Variants in ICA1L observed in about 807,000 individuals in gnomAD.
ICA1L encodes the protein islet cell autoantigen 1-like protein.
ICA1L carries 50 observed loss-of-function variants against 61.3 expected under a neutral mutation model. The ratio of observed to expected loss-of-function variants is 0.82; its 90% CI spans 0.65 to 1.03. The LOEUF (loss-of-function observed/expected upper bound fraction) is 1.03, where lower values mean the gene tolerates loss of function less well. ICA1L is among the 50% of genes least tolerant of loss of function. ICA1L has a pLI of 0.00. For missense variants in ICA1L, 508 were observed against 556.7 expected (o/e 0.91, Z 0.88); for synonymous variants, 161 against 191.3 (o/e 0.84, Z 1.31).
At chr2:202,850,445 T>C (rs1694586814) in intron 1 of ICA1L, among the ~76,000 whole-genome samples, 1 of 152,086 alleles carries the variant, frequency 6.6e-6, no homozygotes, top group African/African-American at 2.4e-5. Flanking sequence ...AGAACATAAA[T>C]GACCTGATGG....
intron 1 of ICA1L, among the ~76,000 whole-genome samples, chr2:202,831,832 C>T (rs1694021187): frequency 6.6e-6 from 1 of 152,084 alleles, no homozygotes; most frequent in African/African-American, 2.4e-5. Context: ...ATCTGCTTGC[C>T]ACTGGGGGTA....
chr2:202,811,091 C>T (rs1478350122), intron 9 of ICA1L, among the ~76,000 whole-genome samples: 1 of 152,136 alleles, frequency 6.6e-6, no homozygotes, highest in Non-Finnish European at 1.5e-5. Flanking sequence ...ATCTCTGTGA[C>T]CCACACCCTA....
intron 1 of ICA1L, among the ~76,000 whole-genome samples, chr2:202,845,303 A>G (rs1409805320): frequency 2.6e-5 from 4 of 152,182 alleles, no homozygotes; most frequent in African/African-American, 4.8e-5. Flanking sequence ...CTTATTTAGC[A>G]AAAGGATAGG....
At chr2:202,834,923 T>A (rs1694106458) in intron 1 of ICA1L, among the ~76,000 whole-genome samples, 1 of 152,146 alleles carries the variant, frequency 6.6e-6, no homozygotes, top group South Asian at 2.1e-4. Context: ...CTCAAACTCC[T>A]GGGCTCAAGT....
chr2:202,792,606 C>T (rs1201771060), intron 10 of ICA1L, among the ~76,000 whole-genome samples: 1 of 151,934 alleles, frequency 6.6e-6, no homozygotes, highest in African/African-American at 2.4e-5. Context: ...AGATCGAGAC[C>T]ATCCTGGCTA....
intron 6 of ICA1L, 92 bp from the exon 7 acceptor site, chr2:202,816,101 G>A: frequency 1.4e-6 from 1 of 714,398 alleles, no homozygotes. Flanking sequence ...TAGATGAACA[G>A]TTGCCAAAAA....
At chr2:202,847,840 T>C (rs945476430) in intron 1 of ICA1L, among the ~76,000 whole-genome samples, 2 of 151,720 alleles carry the variant, frequency 1.3e-5, no homozygotes, top group Admixed American at 6.6e-5. Flanking sequence ...TAGATACACA[T>C]CAACAGTGGG....
chr2:202,788,753 A>T, intron 11 of ICA1L, 77 bp downstream of exon 11: 1 of 1,448,996 alleles, frequency 6.9e-7, no homozygotes, highest in South Asian at 1.2e-5. Context: ...TGTTGGTTCT[A>T]GCATCAATAA....
intron 9 of ICA1L, among the ~76,000 whole-genome samples, chr2:202,807,452 C>T (rs953791574): frequency 6.6e-6 from 1 of 152,218 alleles, no homozygotes. Flanking sequence ...CCACCCATCC[C>T]ACTGGTCAGA....
intron 8 of ICA1L, among the ~76,000 whole-genome samples, chr2:202,813,057 G>A (rs533670134): frequency 1.4e-4 from 22 of 152,112 alleles, no homozygotes; most frequent in African/African-American, 4.3e-4. Context: ...TCAGGAGTTC[G>A]AGACCAGCCT....
intron 1 of ICA1L, among the ~76,000 whole-genome samples, chr2:202,836,818 T>TATAGATATAGATATATATAGATATATAG (rs2076909520): frequency 6.7e-6 from 1 of 148,686 alleles, no homozygotes; most frequent in Non-Finnish European, 1.5e-5. Context: ...TATATATAGA[T>TATAGATATAGATATATATAGATATATAG]ATATAGATAT....
At chr2:202,804,578 C>T (rs1180737498) in intron 9 of ICA1L, among the ~76,000 whole-genome samples, 1 of 152,106 alleles carries the variant, frequency 6.6e-6, no homozygotes, top group Non-Finnish European at 1.5e-5. Flanking sequence ...TCCAATTTAA[C>T]AGTGGAAGAT....
intron 1 of ICA1L, among the ~76,000 whole-genome samples, chr2:202,863,283 C>T (rs1694971294): frequency 1.3e-5 from 2 of 151,906 alleles, no homozygotes; most frequent in African/African-American, 4.8e-5. Context: ...CAAAGTGAGA[C>T]TCCATCTCAA....
chr2:202,791,656 G>A (rs543214921), intron 10 of ICA1L, among the ~76,000 whole-genome samples: 45 of 152,056 alleles, frequency 3.0e-4, no homozygotes, highest in Non-Finnish European at 5.1e-4. Context: ...AGACCAGCCT[G>A]GCCAACATGG....
At position 202,852,058 on chromosome 2, in the gene ICA1L, GTT is replaced by G. The variant is rs1364931503; in HGVS notation, c.-8+19559_-8+19560del. 5.3e-5 allele frequency among the ~76,000 whole-genome samples: 8 copies of G among 152,158 alleles called. No homozygotes were observed. In the East Asian group the frequency reaches 1.5e-3, roughly 29 times the overall value. ...GGCTTTTGTTGCCATTGCTTTTGGT[GTT>G]TTAGACATGAAGTCCTTGCCGCTGC... On this transcript the variant is annotated intron_variant, in intron 1 of 12. Coordinates refer to ENST00000358299, the MANE Select transcript of ICA1L (RefSeq NM_001288622.3).
intron 9 of ICA1L, among the ~76,000 whole-genome samples, chr2:202,798,664 T>C (rs1479032609): frequency 6.6e-6 from 1 of 151,424 alleles, no homozygotes; most frequent in Non-Finnish European, 1.5e-5. Flanking sequence ...CTGAGTACAA[T>C]ATATTTTTGT....
In ICA1L at chr2:202,779,655, A is replaced by C; in HGVS notation, c.1334-7T>G. 2 of 1,499,516 alleles carry C rather than the reference A, an allele frequency of 1.3e-6. No individual in the cohort carries two copies. Among genetic ancestry groups the C allele is most frequent in the Non-Finnish European group, 1.8e-6 (2 of 1,084,168 alleles). 92.9% of individuals were successfully genotyped at this position (1,499,516 alleles called of 1,614,324 possible). ...TGGTTGCCATTGTTGGGGGCTATTA[A>C]AAAAGAAAAAAAATACATTAAAGAG... is the stretch of plus-strand genomic sequence containing the variant. On this transcript the variant is annotated splice_polypyrimidine_tract_variant and splice_region_variant and intron_variant, in intron 12 of 12. Coordinates refer to ENST00000358299, the MANE Select transcript of ICA1L (RefSeq NM_001288622.3).
intron 1 of ICA1L, among the ~76,000 whole-genome samples, chr2:202,851,976 A>G (rs2105881530): frequency 6.6e-6 from 1 of 152,086 alleles, no homozygotes; most frequent in Non-Finnish European, 1.5e-5. Flanking sequence ...TTCTCATGGT[A>G]GTTTCTTTTG....
rs1172519826 is a variant in ICA1L at position 202,778,506 on chromosome 2, G to A, written c.*1027C>T. 6.6e-6 allele frequency: 1 copy of A among 152,152 alleles called. No individual in the cohort carries two copies. Among genetic ancestry groups the A allele is most frequent in the Non-Finnish European group, 1.5e-5 (1 of 68,014 alleles). The allele number at this position is 152,152 out of a possible 1,614,324, so 9.4% of individuals were successfully genotyped here. A position where few individuals can be genotyped will look rare whatever the true frequency, so the allele number is the denominator to read the frequency against. The stretch of plus-strand genomic sequence containing the variant: ...CCTTATTGATCACACAGAGCTTTCT[G>A]TATGTCTGCCAGAAAGTATTCTGGG... On this transcript the variant is annotated 3_prime_UTR_variant, in exon 13 of 13. Transcript: ENST00000358299.
Sources: allele counts gnomAD v4.1 joint callset (sites outside exome capture counted in the v4.1 genomes callset), GRCh38; gene constraint gnomAD v4.1.1; transcripts MANE v1.5; gene names NCBI Gene and HGNC (gene_info 2026-07-23, HGNC 2026-07-21).